The following ZCCHC24 variants were observed in gnomAD, a reference collection of about 807,000 sequenced individuals.
ZCCHC24 encodes the protein zinc finger CCHC domain-containing protein 24.
A neutral mutation model predicts 26.2 loss-of-function variants in ZCCHC24; 10 were observed. The observed-to-expected ratio is 0.38, with a 90% CI of 0.24 to 0.65. The LOEUF is 0.65. ZCCHC24 is among the 30% of genes least tolerant of loss of function. The probability of loss-of-function intolerance (pLI) is 0.54; values close to 1 mark genes in which losing one functional copy is unlikely to be tolerated. For synonymous variants in ZCCHC24, 144 were observed against 147.1 expected (o/e 0.98, Z 0.15); for missense variants, 243 against 329.1 (o/e 0.74, Z 2.03).
intron 3 of ZCCHC24, among the ~76,000 whole-genome samples, chr10:79,389,660 G>A (rs550821393): frequency 6.6e-6 from 1 of 151,942 alleles, no homozygotes; most frequent in African/African-American, 2.4e-5. Flanking sequence ...CTGTTGCCTA[G>A]GCTGGAGTGC....
intron 2 of ZCCHC24, among the ~76,000 whole-genome samples, chr10:79,427,873 T>C (rs1306168339): frequency 6.6e-6 from 1 of 151,972 alleles, no homozygotes; most frequent in Non-Finnish European, 1.5e-5. Context: ...AGTGGAATCC[T>C]GTCTCCATAA....
At chr10:79,423,157 G>A (rs7477121) in intron 2 of ZCCHC24, among the ~76,000 whole-genome samples, 1 of 152,082 alleles carries the variant, frequency 6.6e-6, no homozygotes, top group African/African-American at 2.4e-5. Context: ...CCACCCAATC[G>A]AAAGCTGCCC....
chr10:79,388,681 G>T (rs762068230), intron 3 of ZCCHC24, among the ~76,000 whole-genome samples: 1 of 152,196 alleles, frequency 6.6e-6, no homozygotes, highest in Non-Finnish European at 1.5e-5. Flanking sequence ...AGGCCAAAAA[G>T]GCCAGACTCA....
intron 2 of ZCCHC24, among the ~76,000 whole-genome samples, chr10:79,416,420 G>A (rs901385303): frequency 1.3e-5 from 2 of 152,218 alleles, no homozygotes; most frequent in Admixed American, 6.5e-5. Flanking sequence ...GTCCAAGGCT[G>A]CTGGGGGTGT....
At chr10:79,412,421 C>G (rs1589668041) in intron 2 of ZCCHC24, among the ~76,000 whole-genome samples, 1 of 152,232 alleles carries the variant, frequency 6.6e-6, no homozygotes, top group African/African-American at 2.4e-5. Flanking sequence ...CCCTTGGCAG[C>G]CCCGCGTACG....
intron 2 of ZCCHC24, among the ~76,000 whole-genome samples, chr10:79,416,081 T>C (rs1732332986): frequency 6.6e-6 from 1 of 152,228 alleles, no homozygotes; most frequent in Non-Finnish European, 1.5e-5. Flanking sequence ...GACCACACTT[T>C]TAGGCAAAGC....
chr10:79,404,160 C>T (rs1802362629), intron 2 of ZCCHC24, among the ~76,000 whole-genome samples: 2 of 152,320 alleles, frequency 1.3e-5, no homozygotes, highest in South Asian at 2.1e-4. Context: ...CCCTCCAGGA[C>T]CCAGAGAAGT....
At chr10:79,413,783 A>T (rs55959346) in intron 2 of ZCCHC24, among the ~76,000 whole-genome samples, 94,212 of 145,094 alleles carry the variant, frequency 0.65, 30,366 homozygotes, top group African/African-American at 0.71. Flanking sequence ...TGTGTGTGAG[A>T]GAGAGAGAGA....
intron 2 of ZCCHC24, 116 bp from the exon 3 acceptor site, chr10:79,394,556 C>T (rs1856520012): frequency 1.3e-6 from 2 of 1,481,516 alleles, no homozygotes; most frequent in Admixed American, 4.8e-5. Flanking sequence ...TGTGCAGGCA[C>T]CTTTTGTCCC....
chr10:79,427,509 A>G (rs1199069608), intron 2 of ZCCHC24, among the ~76,000 whole-genome samples: 2 of 151,966 alleles, frequency 1.3e-5, no homozygotes, highest in Non-Finnish European at 2.9e-5. Context: ...CCACAATGGA[A>G]TAAGGTTAGA....
rs919716715 is a variant in ZCCHC24, at chr10:79,383,943, G to C, written c.*2402C>G. The C allele has an allele frequency of 6.6e-6, 1 of 152,660 alleles. No homozygotes were observed. The highest frequency in any genetic ancestry group is 1.5e-5 in the Non-Finnish European group (1 of 68,044). 9.5% of individuals were successfully genotyped at this position (152,660 alleles called of 1,614,324 possible). ...CTGCAAGCGATTGTCCCTTTTGAACGTACTAAAACCACACACTTTCCCATC... is the reference window on the plus strand; with the variant it reads ...CTGCAAGCGATTGTCCCTTTTGAACCTACTAAAACCACACACTTTCCCATC... On this transcript the variant is annotated 3_prime_UTR_variant, in exon 4 of 4. Coordinates refer to ENST00000372336, the MANE Select transcript of ZCCHC24 (RefSeq NM_153367.4).
chr10:79,425,200 C>A (rs928405541), intron 2 of ZCCHC24, among the ~76,000 whole-genome samples: 3 of 152,314 alleles, frequency 2.0e-5, no homozygotes, highest in African/African-American at 4.8e-5. Flanking sequence ...GAGTCCTGAC[C>A]CATCAGCGTG....
At chr10:79,392,561 C>G (rs1856493424) in intron 3 of ZCCHC24, among the ~76,000 whole-genome samples, 1 of 152,214 alleles carries the variant, frequency 6.6e-6, no homozygotes, top group African/African-American at 2.4e-5. Context: ...ATCATTCTCA[C>G]CAGACTGCAC....
chr10:79,410,389 G>A (rs1179395313), intron 2 of ZCCHC24, among the ~76,000 whole-genome samples: 2 of 152,208 alleles, frequency 1.3e-5, no homozygotes, highest in African/African-American at 2.4e-5. Flanking sequence ...ATAAATACAC[G>A]ATGACCAGTC....
intron 1 of ZCCHC24, among the ~76,000 whole-genome samples, chr10:79,437,755 G>A (rs1398863330): frequency 3.3e-5 from 5 of 152,228 alleles, no homozygotes; most frequent in Admixed American, 6.5e-5. Flanking sequence ...TGCAGAATAC[G>A]GGGTGCAGAG....
At chr10:79,441,822 G>T (rs1162602774) in intron 1 of ZCCHC24, among the ~76,000 whole-genome samples, 1 of 152,198 alleles carries the variant, frequency 6.6e-6, no homozygotes, top group African/African-American at 2.4e-5. Context: ...AAAGAGAACA[G>T]CTGCCCTAAG....
chr10:79,418,356 G>T (rs1415420275), intron 2 of ZCCHC24, among the ~76,000 whole-genome samples: 2 of 152,204 alleles, frequency 1.3e-5, no homozygotes, highest in Non-Finnish European at 2.9e-5. Flanking sequence ...AACAGCTAGA[G>T]AGACAGCCCT....
intron 3 of ZCCHC24, among the ~76,000 whole-genome samples, chr10:79,389,280 C>T (rs1420756841): frequency 6.6e-6 from 1 of 152,214 alleles, no homozygotes; most frequent in Non-Finnish European, 1.5e-5. Context: ...GAGGGCAGAA[C>T]CTCCATGGAG....
chr10:79,438,790 G>A (rs1200927330), intron 1 of ZCCHC24, among the ~76,000 whole-genome samples: 3 of 152,234 alleles, frequency 2.0e-5, no homozygotes, highest in Non-Finnish European at 4.4e-5. Context: ...GGACAAAGCA[G>A]AGGAGACCTG....
Sources: gnomAD v4.1 joint callset for allele counts (sites outside exome capture counted in the v4.1 genomes callset) on GRCh38, gnomAD v4.1.1 for gene constraint, MANE v1.5 for transcripts, NCBI Gene and HGNC (gene_info 2026-07-23, HGNC 2026-07-21) for gene names.